The following G2E3 variants were observed in gnomAD, a reference collection of about 807,000 sequenced individuals.
G2E3 encodes G2/M-phase specific E3 ubiquitin protein ligase.
In G2E3, 35 loss-of-function variants were observed where a neutral mutation model predicts 92.8. The observed-to-expected ratio is 0.38, with a 90% CI of 0.29 to 0.50. The LOEUF is 0.50. G2E3 is among the 20% of genes least tolerant of loss of function. The pLI is 0.94. For synonymous variants in G2E3, 242 were observed against 272.4 expected (o/e 0.89, Z 1.10); for missense variants, 554 against 823.8 (o/e 0.67, Z 4.01).
Position 30,612,244 on chromosome 14 carries a change from TAATA to T in G2E3, c.1542_1545del (p.Ile514MetfsTer9), listed in dbSNP as rs1411517867. Reference sequence around the variant, plus strand: ...ACAACTGTAGCTGACTTAAAGTCAATAATAAATGAATGCTATAACTACCTTGAGT... The same window carrying T: ...ACAACTGTAGCTGACTTAAAGTCAATAATGAATGCTATAACTACCTTGAGT... On this transcript the variant is annotated frameshift_variant, in exon 13 of 15. Transcript: ENST00000206595. LOFTEE classifies it high-confidence loss of function. The T allele has an allele frequency of 1.2e-6, 2 of 1,610,798 alleles. No individual in the cohort carries two copies. The highest frequency in any genetic ancestry group is 1.3e-5 in the African/African-American group (1 of 74,862).
chr14:30,591,604 G>T (rs1881015782), intron 4 of G2E3, among the ~76,000 whole-genome samples: 1 of 152,108 alleles, frequency 6.6e-6, no homozygotes, highest in South Asian at 2.1e-4. Context: ...ACCTTGGCTT[G>T]TGGCAGCATA....
rs761935106 is a variant in G2E3, at chr14:30,592,410, C to A, written c.325C>A (p.Gln109Lys). 1 of 1,595,082 alleles carries A rather than the reference C, an allele frequency of 6.3e-7. No homozygotes were observed. Among genetic ancestry groups the A allele is most frequent in the African/African-American group, 1.4e-5 (1 of 73,726 alleles). Residue 109 changes from glutamine (Q) to lysine (K), a missense_variant, in exon 5 of 15, where the codon CAG becomes AAG. Transcript: ENST00000206595. ...AAGTTATCATTTCCCATGTGGACTT[C>A]AGAGAGAATGTATTTTCCAGTTTAC... Reference protein sequence around the residue: ...KRSYHFPCGLQRECIFQFTGN... With the variant: ...KRSYHFPCGLKRECIFQFTGN...
intron 12 of G2E3, among the ~76,000 whole-genome samples, chr14:30,608,463 T>C (rs2138904638): frequency 6.6e-6 from 1 of 152,342 alleles, no homozygotes; most frequent in African/African-American, 2.4e-5. Context: ...AGGAAGGATT[T>C]GGCTTACCAG....
At chr14:30,594,024 T>G (rs1881148362) in intron 6 of G2E3, among the ~76,000 whole-genome samples, 1 of 152,200 alleles carries the variant, frequency 6.6e-6, no homozygotes, top group Non-Finnish European at 1.5e-5. Flanking sequence ...TTAAGATATT[T>G]AAACATTAGT....
chr14:30,586,315 A>G (rs1298636988), intron 2 of G2E3, among the ~76,000 whole-genome samples: 2 of 152,228 alleles, frequency 1.3e-5, no homozygotes, highest in African/African-American at 4.8e-5. Context: ...GGGTAAGTTA[A>G]GATGTTCTCA....
intron 1 of G2E3, 33 bp downstream of exon 1, chr14:30,559,305 G>C (rs1878944039): frequency 6.6e-6 from 1 of 152,324 alleles, no homozygotes; most frequent in South Asian, 2.1e-4. Context: ...GACGCAGAAC[G>C]TTCCAGAGAG....
intron 11 of G2E3, among the ~76,000 whole-genome samples, 187 bp from the exon 12 acceptor site, chr14:30,607,701 C>CTT (rs776915453): frequency 6.6e-6 from 1 of 152,002 alleles, no homozygotes; most frequent in African/African-American, 2.4e-5. Flanking sequence ...TAGATTTTTA[C>CTT]TTTATATTCA....
intron 2 of G2E3, 33 bp downstream of exon 2, chr14:30,581,149 A>C (rs201967382): frequency 8.5e-7 from 1 of 1,179,992 alleles, no homozygotes; most frequent in East Asian, 2.3e-5. Context: ...ATTTTATTAC[A>C]ATGAGTGTTT....
In G2E3 at chr14:30,608,014, C is replaced by T. The variant is rs945665328; in HGVS notation, c.1445C>T (p.Thr482Ile). Residue 482 changes from threonine to isoleucine, a missense_variant, in exon 12 of 15, where the codon ACC becomes ATC. Physicochemically the swap from Thr to Ile is moderately conservative, Grantham distance 89. Transcript: ENST00000206595. ...FNCLVYGPEN[T>I]QPILDDVSDF... ...TGCCTTGTTTATGGACCAGAAAATA[C>T]CCAGCCAATTTTAGATGATGTTTCA... is the stretch of plus-strand genomic sequence containing the variant. The T allele has an allele frequency of 6.2e-7, 1 of 1,602,114 alleles. No homozygotes were observed. Among genetic ancestry groups the T allele is most frequent in the Non-Finnish European group, 8.5e-7 (1 of 1,175,614 alleles).
At chr14:30,610,959 A>G (rs1203886662) in intron 12 of G2E3, among the ~76,000 whole-genome samples, 1 of 152,238 alleles carries the variant, frequency 6.6e-6, no homozygotes, top group African/African-American at 2.4e-5. Context: ...TTTGAAAAGC[A>G]TAAAATGCTA....
chr14:30,571,793 A>G (rs1391428532), intron 1 of G2E3, among the ~76,000 whole-genome samples: 2 of 151,998 alleles, frequency 1.3e-5, no homozygotes, highest in African/African-American at 2.4e-5. Context: ...CTTATGATCT[A>G]TTGAGCTACA....
chr14:30,597,039 A>G (rs1231762101), intron 6 of G2E3, among the ~76,000 whole-genome samples: 2 of 152,244 alleles, frequency 1.3e-5, no homozygotes, highest in African/African-American at 4.8e-5. Context: ...AGAACCAGTG[A>G]TGATTTTTAT....
chr14:30,585,358 T>C (rs1477946093), intron 2 of G2E3, among the ~76,000 whole-genome samples: 1 of 152,230 alleles, frequency 6.6e-6, no homozygotes, highest in African/African-American at 2.4e-5. Context: ...GGGGTTCACC[T>C]ATGTTCTTTT....
chr14:30,601,086 G>C (rs1004508098), intron 8 of G2E3, among the ~76,000 whole-genome samples: 2 of 152,186 alleles, frequency 1.3e-5, no homozygotes, highest in Admixed American at 6.5e-5. Flanking sequence ...CTCTGGGGTA[G>C]GGATGATATC....
chr14:30,584,381 G>C (rs1294012211), intron 2 of G2E3, among the ~76,000 whole-genome samples: 1 of 152,060 alleles, frequency 6.6e-6, no homozygotes, highest in Non-Finnish European at 1.5e-5. Context: ...TCAGTTCTTT[G>C]GTATGTATAT....
intron 1 of G2E3, chr14:30,560,610 A>G (rs1879036436): frequency 1.8e-6 from 1 of 565,608 alleles, no homozygotes. Context: ...GCTGTCAACA[A>G]ATGGTAATTT....
chr14:30,568,816 G>GA (rs1278649937), intron 1 of G2E3, among the ~76,000 whole-genome samples: 19 of 152,156 alleles, frequency 1.2e-4, no homozygotes, highest in Middle Eastern at 3.4e-3. Context: ...AATCATAAAG[G>GA]AAAAAGAGAA....
chr14:30,598,449 T>C lies in G2E3; in HGVS notation c.636-34T>C, dbSNP rs747343568. 8 of 1,263,972 alleles carry C rather than the reference T, an allele frequency of 6.3e-6. No individual in the cohort carries two copies. In the South Asian group the frequency reaches 9.5e-5, roughly 15 times the overall value. 78.3% of individuals were successfully genotyped at this position (1,263,972 alleles called of 1,614,324 possible). A position where few individuals can be genotyped will look rare whatever the true frequency, so the allele number is the denominator to read the frequency against. On this transcript the variant is annotated intron_variant, in intron 7 of 14. Transcript: ENST00000206595. ...TGATCCTCTTATGTAACATTATTTA[T>C]AGGTCAAAGCATATTTTATATCTTC...
chr14:30,580,837 C>G, intron 1 of G2E3: 1 of 420,376 alleles, frequency 2.4e-6, no homozygotes, highest in Non-Finnish European at 4.4e-6. Context: ...CACTAAATAC[C>G]AGTGGTCATC....
Sources: allele counts gnomAD v4.1 joint callset (sites outside exome capture counted in the v4.1 genomes callset), GRCh38; gene constraint gnomAD v4.1.1; transcripts MANE v1.5; gene names NCBI Gene and HGNC (gene_info 2026-07-23, HGNC 2026-07-21).